The following TRIM9 variants were observed in gnomAD, a reference collection of about 807,000 sequenced individuals.
TRIM9 encodes tripartite motif containing 9, also known as E3 ubiquitin-protein ligase TRIM9.
In TRIM9, 26 loss-of-function variants were observed where a neutral mutation model predicts 78.3. The observed-to-expected ratio is 0.33, with a 90% CI of 0.24 to 0.46. The LOEUF (loss-of-function observed/expected upper bound fraction) is 0.46, where lower values mean the gene tolerates loss of function less well. Among genes scored for constraint, TRIM9 ranks in the 20% least tolerant of loss-of-function variants. TRIM9 has a pLI of 1.00. For missense variants in TRIM9, 787 were observed against 1,036.4 expected (o/e 0.76, Z 3.30); for synonymous variants, 398 against 416.5 (o/e 0.96, Z 0.54).
At chr14:51,002,863 C>T (rs901794118) in intron 5 of TRIM9, among the ~76,000 whole-genome samples, 1 of 152,156 alleles carries the variant, frequency 6.6e-6, no homozygotes, top group Non-Finnish European at 1.5e-5. Flanking sequence ...AAAATTAGTG[C>T]CTGTTAAAAC....
intron 7 of TRIM9, among the ~76,000 whole-genome samples, chr14:50,989,059 A>G (rs2053136806): frequency 6.6e-6 from 1 of 152,224 alleles, no homozygotes. Flanking sequence ...CACATGGAAC[A>G]GATCACTAGT....
chr14:51,027,936 A>C (rs875206), intron 1 of TRIM9, among the ~76,000 whole-genome samples: 45,511 of 151,928 alleles, frequency 0.3, 7,126 homozygotes, highest in African/African-American at 0.33. Flanking sequence ...TAGATGTTTC[A>C]GTACAGAAGT....
At chr14:51,046,979 G>A (rs535108803) in intron 1 of TRIM9, among the ~76,000 whole-genome samples, 2 of 152,340 alleles carry the variant, frequency 1.3e-5, no homozygotes, top group African/African-American at 4.8e-5. Flanking sequence ...TAGTAAGACT[G>A]TAAAGAAATG....
At chr14:51,049,215 T>A (rs1025719078) in intron 1 of TRIM9, among the ~76,000 whole-genome samples, 1 of 152,054 alleles carries the variant, frequency 6.6e-6, no homozygotes, top group Non-Finnish European at 1.5e-5. Flanking sequence ...GCATGCGCCA[T>A]CACACCCGGC....
At chr14:51,028,247 T>C (rs1318352436) in intron 1 of TRIM9, among the ~76,000 whole-genome samples, 1 of 111,976 alleles carries the variant, frequency 8.9e-6, no homozygotes, top group Non-Finnish European at 1.8e-5. Context: ...TGTTCTGGTA[T>C]TTGATAAAAA....
chr14:51,095,008 C>A lies in TRIM9; in HGVS notation c.-69G>T. ...CTGAGCTGGCGAGGTGGCCGACGGG[C>A]CCGTCTTGTCCAGCACCCTGGCCAG... On this transcript the variant is annotated 5_prime_UTR_variant, in exon 1 of 13. Transcript: ENST00000684578. The A allele has an allele frequency of 8.1e-7, 1 of 1,235,476 alleles. No individual in the cohort carries two copies. The highest frequency in any genetic ancestry group is 1.1e-6 in the Non-Finnish European group (1 of 946,648). 76.5% of individuals were successfully genotyped at this position (1,235,476 alleles called of 1,614,324 possible).
rs569398777 is a variant in TRIM9, at chr14:51,029,609, T to A, written c.823-4249A>T. 1.1e-4 allele frequency among the ~76,000 whole-genome samples: 16 copies of A among 150,636 alleles called. No homozygotes were observed. The South Asian group carries it at 2.9e-3, about 27-fold the overall frequency. On this transcript the variant is annotated intron_variant, in intron 1 of 12. Transcript: ENST00000684578. ...CCGGTTACTCAGTACATTGCTGACATAGTACAATCAAAAAGTGTAAGCAAG... is the reference window on the plus strand; with the variant it reads ...CCGGTTACTCAGTACATTGCTGACAAAGTACAATCAAAAAGTGTAAGCAAG...
At chr14:51,048,579 C>T (rs902924370) in intron 1 of TRIM9, among the ~76,000 whole-genome samples, 3 of 60,942 alleles carry the variant, frequency 4.9e-5, no homozygotes, top group Admixed American at 1.4e-4. Flanking sequence ...ATCCTAGGCA[C>T]ATAAACAAAT....
rs2064775861 is a variant in TRIM9 at position 51,094,760 on chromosome 14, A to G, written c.180T>C (p.Tyr60=). The G allele has an allele frequency of 6.5e-7, 1 of 1,529,886 alleles. No individual in the cohort carries two copies. The highest frequency in any genetic ancestry group is 1.4e-5 in the African/African-American group (1 of 72,000). The allele number at this position is 1,529,886 out of a possible 1,614,324, so 94.8% of individuals were successfully genotyped here. The change falls in exon 1 of 13, where the codon TAT becomes TAC. Residue 60 remains tyrosine, a synonymous_variant. Transcript: ENST00000684578. ...HRAAGSGVSD[Y]DYLDLDKMSL... Reference sequence around the variant, plus strand: ...TCATCTTGTCCAGGTCCAGATAGTCATAGTCGGAGACCCCGGAGCCCGCGG... The same window carrying G: ...TCATCTTGTCCAGGTCCAGATAGTCGTAGTCGGAGACCCCGGAGCCCGCGG...
Position 50,977,395 on chromosome 14 carries a change from C to T in TRIM9, c.2326-42G>A, listed in dbSNP as rs372371219. 7.7e-5 allele frequency: 111 copies of T among 1,444,778 alleles called. No individual in the cohort carries two copies. The African/African-American group carries it at 1.4e-3, about 18-fold the overall frequency. The allele number at this position is 1,444,778 out of a possible 1,614,324, so 89.5% of individuals were successfully genotyped here. On this transcript the variant is annotated intron_variant, in intron 12 of 12. Transcript: ENST00000684578. ...TGAGTCCTGAGAGGCATCGTGCATC[C>T]CCCTGTCCCTTTACACAGTGTACCG...
At chr14:51,065,928 T>G (rs2061691412) in intron 1 of TRIM9, among the ~76,000 whole-genome samples, 1 of 152,016 alleles carries the variant, frequency 6.6e-6, no homozygotes, top group Non-Finnish European at 1.5e-5. Context: ...TAAAGAATTT[T>G]GAATCTTTCC....
At chr14:51,060,419 C>T (rs1183286289) in intron 1 of TRIM9, among the ~76,000 whole-genome samples, 1 of 152,140 alleles carries the variant, frequency 6.6e-6, no homozygotes, top group African/African-American at 2.4e-5. Flanking sequence ...GCTGCTGTCA[C>T]TCCACATAAT....
chr14:51,046,336 G>A (rs1356689337), intron 1 of TRIM9, among the ~76,000 whole-genome samples: 1 of 152,164 alleles, frequency 6.6e-6, no homozygotes, highest in East Asian at 1.9e-4. Flanking sequence ...ACACACACAT[G>A]CAAATGGGTA....
chr14:51,039,904 G>A (rs1287521516), intron 1 of TRIM9, among the ~76,000 whole-genome samples: 5 of 151,640 alleles, frequency 3.3e-5, no homozygotes, highest in Non-Finnish European at 5.9e-5. Flanking sequence ...CCGCCACCAC[G>A]CCCAGCTAAT....
At chr14:51,059,088 A>G (rs1404755376) in intron 1 of TRIM9, among the ~76,000 whole-genome samples, 3 of 152,228 alleles carry the variant, frequency 2.0e-5, no homozygotes, top group South Asian at 2.1e-4. Context: ...ACCAACCCCA[A>G]TATCAGCACG....
intron 1 of TRIM9, among the ~76,000 whole-genome samples, chr14:51,093,631 G>T (rs895725811): frequency 6.6e-6 from 1 of 152,202 alleles, no homozygotes; most frequent in Non-Finnish European, 1.5e-5. Context: ...ACCCTCCGCC[G>T]TGCCTCACCA....
chr14:50,979,832 T>C (rs745960163), intron 11 of TRIM9, among the ~76,000 whole-genome samples: 5 of 152,204 alleles, frequency 3.3e-5, no homozygotes, highest in Non-Finnish European at 7.3e-5. Context: ...TATCTGCCCT[T>C]GTGAGTTGCT....
chr14:51,036,552 C>T (rs1020235047), intron 1 of TRIM9, among the ~76,000 whole-genome samples: 2 of 152,146 alleles, frequency 1.3e-5, no homozygotes, highest in Admixed American at 6.5e-5. Flanking sequence ...CCTAAATCAT[C>T]TCTAGATTAC....
chr14:51,083,080 A>T (rs532471782), intron 1 of TRIM9, among the ~76,000 whole-genome samples: 1 of 152,326 alleles, frequency 6.6e-6, no homozygotes, highest in African/African-American at 2.4e-5. Flanking sequence ...TACTTAGATC[A>T]GTGCCTAGAC....
Sources: allele counts gnomAD v4.1 joint callset (sites outside exome capture counted in the v4.1 genomes callset), GRCh38; gene constraint gnomAD v4.1.1; transcripts MANE v1.5; gene names NCBI Gene and HGNC (gene_info 2026-07-23, HGNC 2026-07-21).